PTPRT: variants seen among roughly 807,000 people sequenced by gnomAD.
The protein encoded by PTPRT is protein tyrosine phosphatase receptor type T.
A neutral mutation model predicts 176.8 loss-of-function variants in PTPRT; 56 were observed. The ratio of observed to expected loss-of-function variants is 0.32; its 90% CI spans 0.26 to 0.40. The LOEUF (loss-of-function observed/expected upper bound fraction) is 0.40, where lower values mean the gene tolerates loss of function less well. Among genes scored for constraint, PTPRT ranks in the 10% least tolerant of loss-of-function variants. The pLI is 1.00. For synonymous variants in PTPRT, 783 were observed against 739.0 expected (o/e 1.06, Z -0.96); for missense variants, 1,540 against 1,908.2 (o/e 0.81, Z 3.60).
intron 2 of PTPRT, among the ~76,000 whole-genome samples, chr20:42,817,311 T>C (rs1332736994): frequency 6.6e-6 from 1 of 150,916 alleles, no homozygotes; most frequent in Non-Finnish European, 1.5e-5. Context: ...CAGCATATGG[T>C]GGTTTTTAAA....
intron 1 of PTPRT, among the ~76,000 whole-genome samples, chr20:42,940,159 T>C (rs534025564): frequency 6.6e-4 from 100 of 152,332 alleles, no homozygotes; most frequent in South Asian, 6.0e-3. Context: ...AAGTACCTTA[T>C]CTGAGATTAC....
At chr20:42,930,197 T>C (rs1979743288) in intron 1 of PTPRT, among the ~76,000 whole-genome samples, 1 of 152,194 alleles carries the variant, frequency 6.6e-6, no homozygotes, top group Admixed American at 6.5e-5. Context: ...CTGACAACTT[T>C]TGACAGCAGC....
chr20:42,990,541 T>C (rs1234518084), intron 1 of PTPRT, among the ~76,000 whole-genome samples: 1 of 152,184 alleles, frequency 6.6e-6, no homozygotes, highest in African/African-American at 2.4e-5. Flanking sequence ...AAGGCCACCA[T>C]ACACCCTACG....
At chr20:43,120,536 G>A (rs2013221554) in intron 1 of PTPRT, among the ~76,000 whole-genome samples, 1 of 152,212 alleles carries the variant, frequency 6.6e-6, no homozygotes, top group African/African-American at 2.4e-5. Flanking sequence ...CTCCCAAAGT[G>A]CTGGGATTGC....
chr20:42,291,672 T>G (rs1051399107), intron 12 of PTPRT, among the ~76,000 whole-genome samples: 4 of 152,020 alleles, frequency 2.6e-5, no homozygotes, highest in Non-Finnish European at 4.4e-5. Flanking sequence ...CATCCCAGAC[T>G]CAGACACAGA....
intron 16 of PTPRT, among the ~76,000 whole-genome samples, chr20:42,163,832 C>A (rs1336593078): frequency 6.6e-6 from 1 of 152,232 alleles, no homozygotes; most frequent in African/African-American, 2.4e-5. Context: ...CCAGTGTGAA[C>A]CTGCTGAAGG....
chr20:42,652,606 A>G (rs1487319110), intron 7 of PTPRT, among the ~76,000 whole-genome samples: 1 of 152,090 alleles, frequency 6.6e-6, no homozygotes, highest in African/African-American at 2.4e-5. Flanking sequence ...GTCAGAACCA[A>G]TCCTACTCAT....
At chr20:42,038,460 G>A in the PTPRT span, among the ~76,000 whole-genome samples, 2 of 152,188 alleles carry the variant, frequency 1.3e-5, no homozygotes, top group Non-Finnish European at 2.9e-5. Flanking sequence ...GGAGAAGTTG[G>A]TGTCTGAGCA....
intron 9 of PTPRT, among the ~76,000 whole-genome samples, chr20:42,424,871 C>G (rs192822357): frequency 4.0e-5 from 6 of 150,440 alleles, no homozygotes; most frequent in Non-Finnish European, 1.5e-5. Context: ...AGTAAGAATC[C>G]TGTTAAAGAG....
chr20:42,714,030 G>A (rs559197614), intron 6 of PTPRT, among the ~76,000 whole-genome samples: 1 of 152,188 alleles, frequency 6.6e-6, no homozygotes, highest in South Asian at 2.1e-4. Flanking sequence ...AGCAACGCAA[G>A]AATGGACTAA....
intron 6 of PTPRT, among the ~76,000 whole-genome samples, chr20:42,681,286 C>T (rs1350096802): frequency 1.3e-5 from 2 of 152,198 alleles, no homozygotes; most frequent in Non-Finnish European, 2.9e-5. Context: ...AAGGAAACCC[C>T]TGTGTATCTC....
At chr20:42,188,436 G>A (rs1990865605) in intron 16 of PTPRT, among the ~76,000 whole-genome samples, 1 of 152,158 alleles carries the variant, frequency 6.6e-6, no homozygotes, top group Non-Finnish European at 1.5e-5. Context: ...CGGTAGCTAT[G>A]TGACCTTGAG....
intron 7 of PTPRT, among the ~76,000 whole-genome samples, chr20:42,652,226 G>A (rs1023525344): frequency 4.6e-5 from 7 of 152,098 alleles, no homozygotes; most frequent in African/African-American, 1.4e-4. Flanking sequence ...ATGAAATCAG[G>A]ATACTTGGAG....
intron 7 of PTPRT, among the ~76,000 whole-genome samples, chr20:42,484,060 G>A (rs926259223): frequency 2.6e-5 from 4 of 152,156 alleles, no homozygotes; most frequent in Non-Finnish European, 4.4e-5. Flanking sequence ...GCCTCTTTTC[G>A]TTCTTTTCAA....
intron 9 of PTPRT, among the ~76,000 whole-genome samples, chr20:42,433,459 T>C (rs1253064516): frequency 1.3e-5 from 2 of 152,128 alleles, no homozygotes; most frequent in African/African-American, 2.4e-5. Flanking sequence ...CTGTTGGAAA[T>C]GACCAGCTGC....
At chr20:42,111,790 GCTGT>G (rs1260453298) in intron 22 of PTPRT, among the ~76,000 whole-genome samples, 1 of 152,154 alleles carries the variant, frequency 6.6e-6, no homozygotes, top group Non-Finnish European at 1.5e-5. Flanking sequence ...GTGAACCCTG[GCTGT>G]CTGTCTCCAC....
At chr20:42,790,306 TG>T (rs2077354720) in intron 3 of PTPRT, among the ~76,000 whole-genome samples, 2 of 151,954 alleles carry the variant, frequency 1.3e-5, no homozygotes, top group East Asian at 3.9e-4. Flanking sequence ...CTTTATGGAT[TG>T]GTGCCAATCT....
At chr20:42,045,242 C>G in the PTPRT span, among the ~76,000 whole-genome samples, 46 of 152,016 alleles carry the variant, frequency 3.0e-4, no homozygotes, top group African/African-American at 9.9e-4. Context: ...AGAGAGAGTA[C>G]TGTTAATAAA....
chr20:42,814,443 T>C (rs987714708), intron 2 of PTPRT, among the ~76,000 whole-genome samples: 2 of 152,194 alleles, frequency 1.3e-5, no homozygotes, highest in African/African-American at 2.4e-5. Context: ...TTAGATAATA[T>C]ATGTAAATTG....
Sources: gnomAD v4.1 joint callset for allele counts (sites outside exome capture counted in the v4.1 genomes callset) on GRCh38, gnomAD v4.1.1 for gene constraint, MANE v1.5 for transcripts, NCBI Gene and HGNC (gene_info 2026-07-23, HGNC 2026-07-21) for gene names.